The following CACNA1I variants were observed in gnomAD, a reference collection of about 807,000 sequenced individuals.
CACNA1I encodes calcium voltage-gated channel subunit alpha1 I, also known as voltage-dependent T-type calcium channel subunit alpha-1I.
A neutral mutation model predicts 201.6 loss-of-function variants in CACNA1I; 74 were observed. The ratio of observed to expected loss-of-function variants is 0.37; its 90% CI spans 0.30 to 0.45. The LOEUF (loss-of-function observed/expected upper bound fraction) is 0.45. Among genes scored for constraint, CACNA1I ranks in the 20% least tolerant of loss-of-function variants. The pLI is 1.00. For synonymous variants in CACNA1I, 1,431 were observed against 1,345.2 expected (o/e 1.06, Z -1.40); for missense variants, 2,346 against 3,138.1 (o/e 0.75, Z 6.03).
chr22:39,611,574 C>T (rs987423892), intron 3 of CACNA1I, among the ~76,000 whole-genome samples: 4 of 152,204 alleles, frequency 2.6e-5, no homozygotes, highest in East Asian at 1.9e-4. Context: ...TCTCACCTGC[C>T]GTGCTGCCAA....
At chr22:39,602,107 C>T (rs1423703262) in intron 3 of CACNA1I, among the ~76,000 whole-genome samples, 1 of 116,480 alleles carries the variant, frequency 8.6e-6, no homozygotes, top group Non-Finnish European at 1.7e-5. Context: ...GGGTCTCACT[C>T]TGTACCTAGG....
chr22:39,635,456 G>T (rs1036796170), intron 5 of CACNA1I, among the ~76,000 whole-genome samples: 4 of 152,192 alleles, frequency 2.6e-5, no homozygotes, highest in African/African-American at 9.7e-5. Flanking sequence ...TGTAGGAAGC[G>T]TGGGGACGTG....
intron 3 of CACNA1I, 23 bp from the exon 4 acceptor site, chr22:39,619,287 C>T (rs1044310791): frequency 6.3e-7 from 1 of 1,586,480 alleles, no homozygotes; most frequent in South Asian, 1.1e-5. Context: ...CACCATCCCT[C>T]ACTCTCTCTC....
intron 1 of CACNA1I, among the ~76,000 whole-genome samples, chr22:39,583,365 TATCCATCCATCCATCC>T (rs61259535): frequency 2.1e-5 from 3 of 145,096 alleles, no homozygotes; most frequent in African/African-American, 2.6e-5. Context: ...TCCAACCATC[TATCCATCCATCCATCC>T]ATCCATCCAT....
intron 1 of CACNA1I, among the ~76,000 whole-genome samples, chr22:39,583,882 C>G (rs1350779851): frequency 6.6e-6 from 1 of 152,232 alleles, no homozygotes; most frequent in Non-Finnish European, 1.5e-5. Context: ...AGACCTTGGC[C>G]ACTGGCCCTG....
chr22:39,674,612 A>T (rs1935467490), intron 29 of CACNA1I, among the ~76,000 whole-genome samples: 1 of 152,170 alleles, frequency 6.6e-6, no homozygotes, highest in Non-Finnish European at 1.5e-5. Context: ...GATCAGGGCC[A>T]CAGAGGGCAT....
intron 1 of CACNA1I, among the ~76,000 whole-genome samples, chr22:39,590,076 G>A (rs902353496): frequency 6.6e-6 from 1 of 152,132 alleles, no homozygotes. Flanking sequence ...CTCTGGCTCG[G>A]CTCCTGGAGA....
intron 5 of CACNA1I, among the ~76,000 whole-genome samples, chr22:39,639,948 A>G (rs1327564334): frequency 6.6e-6 from 1 of 152,178 alleles, no homozygotes; most frequent in Non-Finnish European, 1.5e-5. Flanking sequence ...CTATTTTCCC[A>G]TCCAAATAAA....
intron 4 of CACNA1I, among the ~76,000 whole-genome samples, chr22:39,622,594 G>A (rs1466501377): frequency 1.3e-5 from 2 of 150,822 alleles, no homozygotes; most frequent in African/African-American, 2.4e-5. Flanking sequence ...GCCAGAGTGC[G>A]GTGTGGGGGG....
chr22:39,626,156 A>G (rs1014144698), intron 4 of CACNA1I, among the ~76,000 whole-genome samples: 5 of 152,202 alleles, frequency 3.3e-5, no homozygotes, highest in Admixed American at 2.6e-4. Context: ...TTCTGGTCCC[A>G]GGGCCTCCAC....
chr22:39,636,386 T>C (rs891688989), intron 5 of CACNA1I, among the ~76,000 whole-genome samples: 3 of 152,244 alleles, frequency 2.0e-5, no homozygotes, highest in Non-Finnish European at 4.4e-5. Flanking sequence ...GAAATGTCCC[T>C]GGAGAAAGAA....
intron 1 of CACNA1I, among the ~76,000 whole-genome samples, chr22:39,584,933 A>G (rs1932691730): frequency 6.6e-6 from 1 of 152,256 alleles, no homozygotes; most frequent in Non-Finnish European, 1.5e-5. Flanking sequence ...CGTCCAGCCC[A>G]GCACTGGAGC....
Position 39,665,628 on chromosome 22 carries a change from A to C in CACNA1I, c.3978+4A>C. 1 of 1,613,438 alleles carries C rather than the reference A, an allele frequency of 6.2e-7. No individual in the cohort carries two copies. Among genetic ancestry groups the C allele is most frequent in the Non-Finnish European group, 8.5e-7 (1 of 1,179,640 alleles). On this transcript the variant is annotated splice_donor_region_variant and intron_variant, in intron 22 of 36. Coordinates refer to ENST00000402142, the MANE Select transcript of CACNA1I (RefSeq NM_021096.4). The surrounding 1 kb of genome is among the most constrained non-coding windows in gnomAD (Gnocchi z 5.5). Reference sequence around the variant, plus strand: ...CTTTGGCATCCTGGGAGTGCAGGTGAGGGGTGCCCAGTCTGGGCAGGGACT... The same window carrying C: ...CTTTGGCATCCTGGGAGTGCAGGTGCGGGGTGCCCAGTCTGGGCAGGGACT...
rs1462447125 is a variant in CACNA1I at position 39,684,277 on chromosome 22, G to A, written c.5831-25G>A. ...CCCCTGGCCTGAGCGTGCTCCCTCAGCTCTGTCTTCTCCTTTCCCAGCAGC... is the reference window on the plus strand; with the variant it reads ...CCCCTGGCCTGAGCGTGCTCCCTCAACTCTGTCTTCTCCTTTCCCAGCAGC... On this transcript the variant is annotated intron_variant, in intron 35 of 36. Coordinates refer to ENST00000402142, the MANE Select transcript of CACNA1I (RefSeq NM_021096.4). The surrounding 1 kb of genome is among the most constrained non-coding windows in gnomAD (Gnocchi z 4.6). 1.9e-6 allele frequency: 3 copies of A among 1,609,958 alleles called. No individual in the cohort carries two copies. The highest frequency in any genetic ancestry group is 3.3e-5 in the Admixed American group (2 of 59,746).
chr22:39,600,857 G>A (rs907135036), intron 3 of CACNA1I, among the ~76,000 whole-genome samples: 4 of 152,132 alleles, frequency 2.6e-5, no homozygotes, highest in African/African-American at 4.8e-5. Context: ...CACTGCCAGC[G>A]GATACTGGGT....
rs76007562 is a variant in CACNA1I at position 39,670,109 on chromosome 22, G to T, written c.4266G>T (p.Val1422=). Residue 1422 remains valine (V), a synonymous_variant, in exon 25 of 37, where the codon GTG becomes GTT. Transcript: ENST00000402142. ...TCCTGCTCATCGTCAGCTTCTTTGT[G>T]CTCAACATGTTTGTGGGTGTCGTGG... ...ISFLLIVSFF[V]LNMFVGVVVE... is the part of the protein sequence containing the mutation. 6.2e-7 allele frequency: 1 copy of T among 1,613,840 alleles called. No homozygotes were observed. Among genetic ancestry groups the T allele is most frequent in the African/African-American group, 1.3e-5 (1 of 75,060 alleles).
intron 17 of CACNA1I, 83 bp downstream of exon 17, chr22:39,662,518 C>T: frequency 9.2e-6 from 10 of 1,089,622 alleles, no homozygotes; most frequent in Admixed American, 3.2e-5. Flanking sequence ...GGGGCCCGAG[C>T]GGGCGGGCCC....
At chr22:39,597,933 G>T (rs1328300471) in intron 1 of CACNA1I, among the ~76,000 whole-genome samples, 1 of 152,232 alleles carries the variant, frequency 6.6e-6, no homozygotes, top group African/African-American at 2.4e-5. Context: ...GCAGCTGGGG[G>T]CCTGGTGGGT....
chr22:39,635,826 A>C (rs942291999), intron 5 of CACNA1I, among the ~76,000 whole-genome samples: 3 of 152,080 alleles, frequency 2.0e-5, no homozygotes, highest in Non-Finnish European at 4.4e-5. Flanking sequence ...CCTTCTTATT[A>C]TGTGGGCTCA....
Sources: gnomAD v4.1 joint callset for allele counts (sites outside exome capture counted in the v4.1 genomes callset) on GRCh38, gnomAD v4.1.1 for gene constraint, Gnocchi (gnomAD v3.1) non-coding constraint, MANE v1.5 for transcripts, NCBI Gene and HGNC (gene_info 2026-07-23, HGNC 2026-07-21) for gene names.